Variants in ATOSA observed in about 807,000 individuals in gnomAD.
ATOSA encodes atos homolog A.
the ATOSA span, among the ~76,000 whole-genome samples, chr15:52,709,224 G>T: frequency 1.3e-5 from 2 of 152,116 alleles, no homozygotes; most frequent in Non-Finnish European, 2.9e-5. Flanking sequence ...TGATCATTTT[G>T]AAGTTTTACA....
chr15:52,692,482 G>A, the ATOSA span, among the ~76,000 whole-genome samples: 29,711 of 151,862 alleles, frequency 0.2, 3,253 homozygotes, highest in Non-Finnish European at 0.24. Context: ...TCAGCCTCCT[G>A]AGTAACTGAG....
the ATOSA span, among the ~76,000 whole-genome samples, chr15:52,687,397 T>C: frequency 6.6e-6 from 1 of 152,128 alleles, no homozygotes; most frequent in South Asian, 2.1e-4. Flanking sequence ...AGAGCGAGAC[T>C]CCGTCTCAAA....
the ATOSA span, among the ~76,000 whole-genome samples, chr15:52,654,914 G>A: frequency 5.3e-5 from 8 of 151,702 alleles, no homozygotes; most frequent in Admixed American, 3.3e-4. Flanking sequence ...ACACATATAC[G>A]CATATTAAAT....
chr15:52,639,499 G>A, the ATOSA span, among the ~76,000 whole-genome samples: 12 of 152,070 alleles, frequency 7.9e-5, no homozygotes, highest in African/African-American at 1.9e-4. Context: ...GTATAATGAC[G>A]GCTTTTAGCA....
the ATOSA span, among the ~76,000 whole-genome samples, chr15:52,642,211 T>C: frequency 2.6e-5 from 4 of 152,242 alleles, no homozygotes; most frequent in African/African-American, 7.2e-5. Flanking sequence ...AGCTATAATA[T>C]ATCCTGAAAT....
the ATOSA span, among the ~76,000 whole-genome samples, chr15:52,650,382 A>C: frequency 1.3e-5 from 2 of 152,210 alleles, no homozygotes; most frequent in East Asian, 3.8e-4. Context: ...CAAACTTGAA[A>C]ATCTAAGAAA....
At chr15:52,618,413 G>A in the ATOSA span, among the ~76,000 whole-genome samples, 7 of 152,108 alleles carry the variant, frequency 4.6e-5, no homozygotes, top group African/African-American at 1.7e-4. Context: ...ATATCCTAAA[G>A]AGCACCTGAT....
the ATOSA span, among the ~76,000 whole-genome samples, chr15:52,679,758 C>T: frequency 2.7e-4 from 2 of 7,274 alleles, no homozygotes; most frequent in East Asian, 1.8e-3. Context: ...GTCGTCGTCT[C>T]CTCCTCCTCC....
the ATOSA span, chr15:52,584,880 A>G: frequency 6.2e-7 from 1 of 1,613,396 alleles, no homozygotes. Context: ...ATTGGCTGGC[A>G]TATCTCGTAA....
chr15:52,692,726 T>C, the ATOSA span, among the ~76,000 whole-genome samples: 1 of 152,162 alleles, frequency 6.6e-6, no homozygotes. Context: ...AGTGGCTTAA[T>C]CAGGCTCACT....
the ATOSA span, among the ~76,000 whole-genome samples, chr15:52,660,580 A>G: frequency 4.6e-5 from 7 of 152,336 alleles, no homozygotes; most frequent in East Asian, 1.3e-3. Flanking sequence ...TATCTTACGC[A>G]CTGAAGAAAT....
the ATOSA span, among the ~76,000 whole-genome samples, chr15:52,583,423 G>T: frequency 1.3e-4 from 17 of 135,202 alleles, no homozygotes; most frequent in African/African-American, 4.7e-4. Context: ...ATTCATTCAT[G>T]TGAGAGTCTT....
the ATOSA span, among the ~76,000 whole-genome samples, chr15:52,700,088 T>C: frequency 3.3e-5 from 5 of 152,218 alleles, no homozygotes; most frequent in East Asian, 1.9e-4. Context: ...ACTGAAAAGA[T>C]TGACCATCAG....
chr15:52,708,636 C>T, the ATOSA span, among the ~76,000 whole-genome samples: 2 of 151,892 alleles, frequency 1.3e-5, no homozygotes, highest in African/African-American at 4.8e-5. Flanking sequence ...TGCTAAACCA[C>T]ACTGGGAAAA....
chr15:52,630,863 T>C, the ATOSA span, among the ~76,000 whole-genome samples: 1 of 152,238 alleles, frequency 6.6e-6, no homozygotes, highest in African/African-American at 2.4e-5. Context: ...AATAATAACC[T>C]ACAGCTACAT....
At chr15:52,678,235 T>G in the ATOSA span, 9 of 625,324 alleles carry the variant, frequency 1.4e-5, no homozygotes, top group Non-Finnish European at 2.0e-5. Flanking sequence ...GACAGCACCC[T>G]CGGCTGGTCT....
the ATOSA span, among the ~76,000 whole-genome samples, chr15:52,659,164 GT>G: frequency 6.6e-6 from 1 of 152,278 alleles, no homozygotes; most frequent in East Asian, 1.9e-4. Context: ...AAAGGACTTT[GT>G]TTTTTGTTTC....
the ATOSA span, among the ~76,000 whole-genome samples, chr15:52,680,884 A>AATTAAC: frequency 0.79 from 120,449 of 152,098 alleles, 47,869 homozygotes; most frequent in Non-Finnish European, 0.82. Context: ...TTCTACAAGC[A>AATTAAC]CTTGGTAATG....
At chr15:52,644,818 GA>G in the ATOSA span, among the ~76,000 whole-genome samples, 1 of 152,152 alleles carries the variant, frequency 6.6e-6, no homozygotes, top group Non-Finnish European at 1.5e-5. Context: ...AATAAAAGGG[GA>G]GAACACTTTG....
Sources: gnomAD v4.1 joint callset for allele counts (sites outside exome capture counted in the v4.1 genomes callset) on GRCh38, gnomAD v4.1.1 for gene constraint, MANE v1.5 for transcripts, NCBI Gene and HGNC (gene_info 2026-07-23, HGNC 2026-07-21) for gene names.